The following DPP4 variants were observed in gnomAD, a reference collection of about 807,000 sequenced individuals.
DPP4 encodes dipeptidyl peptidase 4, also known as ADCP-2.
A neutral mutation model predicts 122.4 loss-of-function variants in DPP4; 93 were observed. The observed-to-expected ratio is 0.76, with a 90% CI of 0.64 to 0.90. The LOEUF is 0.90. Among genes scored for constraint, DPP4 ranks in the 40% least tolerant of loss-of-function variants. The probability of loss-of-function intolerance (pLI) is 0.00; values close to 1 mark genes in which losing one functional copy is unlikely to be tolerated. For synonymous variants in DPP4, 321 were observed against 302.9 expected (o/e 1.06, Z -0.62); for missense variants, 914 against 907.3 (o/e 1.01, Z -0.09).
Position 162,033,587 on chromosome 2 carries a change from T to G in DPP4, c.841A>C (p.Asn281His), listed in dbSNP as rs200439038. 12 of 1,613,520 alleles carry G rather than the reference T, an allele frequency of 7.4e-6. No individual in the cohort carries two copies. The highest frequency in any genetic ancestry group is 1.3e-5 in the African/African-American group (1 of 74,936). The change falls in exon 10 of 26, where the codon AAT (asparagine) becomes CAT (histidine). Residue 281 changes from asparagine to histidine, a missense_variant. By Grantham distance (68) the Asn-to-His change is moderately conservative. Coordinates refer to ENST00000360534, the MANE Select transcript of DPP4 (RefSeq NM_001935.4). ...GCAGTGATTTGTATGGAAGTTGCAT[T>G]GGTGACTGAGCTGAGAGAGTCTGTA... ...VNTDSLSSVT[N>H]ATSIQITAPA...
At chr2:162,018,892 T>A in intron 15 of DPP4, 42 bp from the exon 16 acceptor site, 1 of 1,610,898 alleles carries the variant, frequency 6.2e-7, no homozygotes, top group South Asian at 1.1e-5. Context: ...GAAGAAAAGA[T>A]AAGTGAGAGG....
chr2:162,020,194 T>C (rs1683069957), intron 14 of DPP4, 35 bp downstream of exon 14: 1 of 1,558,342 alleles, frequency 6.4e-7, no homozygotes, highest in Non-Finnish European at 8.7e-7. Flanking sequence ...TTATGACAAG[T>C]AGGTTTATAT....
chr2:162,010,898 C>T (rs1283310828), intron 20 of DPP4, among the ~76,000 whole-genome samples: 1 of 152,012 alleles, frequency 6.6e-6, no homozygotes, highest in Non-Finnish European at 1.5e-5. Flanking sequence ...TATTTTCAAC[C>T]ACCCTCCCTA....
At chr2:162,016,071 T>C (rs879409143) in intron 18 of DPP4, among the ~76,000 whole-genome samples, 2 of 152,218 alleles carry the variant, frequency 1.3e-5, no homozygotes, top group Non-Finnish European at 2.9e-5. Flanking sequence ...GTGCTTTTCC[T>C]GATATTTAAA....
At chr2:162,050,705 C>T (rs150603554) in intron 2 of DPP4, among the ~76,000 whole-genome samples, 2 of 152,334 alleles carry the variant, frequency 1.3e-5, no homozygotes, top group Non-Finnish European at 2.9e-5. Flanking sequence ...ATTTGATAAG[C>T]AGGGCACATT....
intron 1 of DPP4, 163 bp from the exon 2 acceptor site, chr2:162,073,649 T>A (rs1685204301): frequency 4.2e-6 from 3 of 711,724 alleles, no homozygotes; most frequent in Non-Finnish European, 7.3e-6. Context: ...AGTGCGCCAG[T>A]TGGAGTTCTC....
At chr2:162,066,028 C>A (rs1684935044) in intron 2 of DPP4, among the ~76,000 whole-genome samples, 1 of 152,120 alleles carries the variant, frequency 6.6e-6, no homozygotes, top group African/African-American at 2.4e-5. Context: ...TGTTCCTGAG[C>A]ACATCCTTGA....
At position 162,008,544 on chromosome 2, in the gene DPP4, C is replaced by A; in HGVS notation, c.1987+18G>T. ...GTCAACACTCCGTATCTCTTTGTAC[C>A]TGGCAGCAATTACATACCATAGTAC... On this transcript the variant is annotated intron_variant, in intron 22 of 25. Transcript: ENST00000360534. The A allele has an allele frequency of 6.2e-7, 1 of 1,606,424 alleles. No individual in the cohort carries two copies. Among genetic ancestry groups the A allele is most frequent in the Non-Finnish European group, 8.5e-7 (1 of 1,173,340 alleles).
intron 18 of DPP4, among the ~76,000 whole-genome samples, chr2:162,014,707 G>A (rs1682848768): frequency 6.6e-6 from 1 of 152,060 alleles, no homozygotes; most frequent in Non-Finnish European, 1.5e-5. Context: ...AAATACATTG[G>A]TGCCTAGTAA....
intron 24 of DPP4, 73 bp downstream of exon 24, chr2:161,995,227 T>C: frequency 6.3e-6 from 9 of 1,434,584 alleles, no homozygotes; most frequent in Non-Finnish European, 8.9e-6. Flanking sequence ...TTGCCCCTCA[T>C]GCTTTTGTTT....
In DPP4 at chr2:162,073,724, C is replaced by G. The variant is rs1042623177; in HGVS notation, c.7-238G>C. ...TAGCGTTGGTTTCTCTACCCCTGCC[C>G]GGGTTCGGGCGTGCGTTCTGTGAGT... On this transcript the variant is annotated intron_variant, in intron 1 of 25. Coordinates refer to ENST00000360534, the MANE Select transcript of DPP4 (RefSeq NM_001935.4). The G allele has an allele frequency of 7.4e-6, 5 of 673,260 alleles. No homozygotes were observed. In the East Asian group the frequency reaches 1.4e-4, roughly 18 times the overall value. The allele number at this position is 673,260 out of a possible 1,614,324, so 41.7% of individuals were successfully genotyped here.
At chr2:162,005,010 G>A (rs1701246255) in intron 23 of DPP4, among the ~76,000 whole-genome samples, 1 of 152,158 alleles carries the variant, frequency 6.6e-6, no homozygotes, top group Admixed American at 6.5e-5. Context: ...GTTTTGGAAT[G>A]ATCAAAGTGC....
chr2:162,073,339 T>C, intron 2 of DPP4, 60 bp downstream of exon 2: 1 of 1,563,698 alleles, frequency 6.4e-7, no homozygotes, highest in Non-Finnish European at 8.8e-7. Flanking sequence ...CTTAGCGTGG[T>C]AAGACGGAGC....
chr2:162,024,043 G>A (rs571149888), intron 11 of DPP4, among the ~76,000 whole-genome samples: 7 of 152,342 alleles, frequency 4.6e-5, no homozygotes, highest in Admixed American at 4.6e-4. Context: ...CCAGGTCTGG[G>A]AGGTGAGAGT....
intron 9 of DPP4, among the ~76,000 whole-genome samples, chr2:162,033,862 GTATATATATATA>G (rs138320647): frequency 0.04 from 4,114 of 104,032 alleles, 291 homozygotes; most frequent in African/African-American, 0.14. Flanking sequence ...CAGAATATGT[GTATATATATATA>G]TATATATATA....
rs1576037025 is a variant in DPP4, at chr2:162,009,196, A to T, written c.1887+45T>A. On this transcript the variant is annotated intron_variant, in intron 21 of 25. Transcript: ENST00000360534. ...AAGATAAAGTAACCTGCTCTGAGTG[A>T]TATTCACTAACGAATGCATACAGAT... 1.9e-6 allele frequency: 3 copies of T among 1,582,962 alleles called. No homozygotes were observed. The East Asian group carries it at 6.7e-5, about 35-fold the overall frequency.
chr2:162,050,710 C>T (rs934493018), intron 2 of DPP4, among the ~76,000 whole-genome samples: 1 of 152,238 alleles, frequency 6.6e-6, no homozygotes, highest in Non-Finnish European at 1.5e-5. Context: ...ATAAGCAGGG[C>T]ACATTGGAAG....
intron 19 of DPP4, among the ~76,000 whole-genome samples, chr2:162,012,817 T>G (rs942726989): frequency 2.6e-5 from 4 of 152,008 alleles, no homozygotes; most frequent in Non-Finnish European, 4.4e-5. Flanking sequence ...ACTTATTCCC[T>G]CCCCAGCCCA....
chr2:161,993,474 C>T, intron 25 of DPP4, 90 bp from the exon 26 acceptor site: 1 of 902,064 alleles, frequency 1.1e-6, no homozygotes, highest in Non-Finnish European at 1.8e-6. Flanking sequence ...CTCTCACGAG[C>T]ATACATGGTA....
Sources: allele counts gnomAD v4.1 joint callset (sites outside exome capture counted in the v4.1 genomes callset), GRCh38; gene constraint gnomAD v4.1.1; transcripts MANE v1.5; gene names NCBI Gene and HGNC (gene_info 2026-07-23, HGNC 2026-07-21).